The following RACGAP1 variants were observed in gnomAD, a reference collection of about 807,000 sequenced individuals.
RACGAP1 encodes Rac GTPase activating protein 1.
A neutral mutation model predicts 78.1 loss-of-function variants in RACGAP1; 30 were observed. That is an observed-to-expected ratio of 0.38 (90% CI 0.29 to 0.52). RACGAP1 has a LOEUF of 0.52. Ranked by LOEUF, RACGAP1 falls within the 20% of genes least tolerant of loss-of-function variation. The pLI, the probability that RACGAP1 is intolerant of heterozygous loss-of-function variation, is 0.82. For synonymous variants in RACGAP1, 231 were observed against 264.8 expected (o/e 0.87, Z 1.24); for missense variants, 587 against 777.1 (o/e 0.76, Z 2.91).
At chr12:49,990,558 G>T in intron 16 of RACGAP1, 126 bp downstream of exon 16, 1 of 837,874 alleles carries the variant, frequency 1.2e-6, no homozygotes, top group Non-Finnish European at 1.9e-6. Flanking sequence ...ATAGCCCCAC[G>T]TTCCCTTTTA....
At chr12:50,007,411 CA>C (rs754760681) in intron 2 of RACGAP1, among the ~76,000 whole-genome samples, 3 of 152,178 alleles carry the variant, frequency 2.0e-5, no homozygotes, top group Non-Finnish European at 4.4e-5. Flanking sequence ...CTGCTATTGG[CA>C]AAGCTGTTCT....
intron 10 of RACGAP1, among the ~76,000 whole-genome samples, chr12:49,996,716 T>A (rs1948312144): frequency 7.3e-6 from 1 of 137,184 alleles, no homozygotes; most frequent in African/African-American, 2.7e-5. Context: ...GAACCAGGGG[T>A]TAGTTATACT....
chr12:50,016,323 A>G (rs1277855442), intron 2 of RACGAP1, among the ~76,000 whole-genome samples: 1 of 152,106 alleles, frequency 6.6e-6, no homozygotes, highest in Non-Finnish European at 1.5e-5. Flanking sequence ...CAGAGGTTGC[A>G]GTGAGCCGAG....
In RACGAP1 at chr12:50,016,649, T is replaced by C. The variant is rs768589734; in HGVS notation, c.67A>G (p.Ser23Gly). ...EQLVRRVEIL[S>G]EGNEVQFIQL... The stretch of plus-strand genomic sequence containing the variant: ...GACTTACGGACTTCATTTCCTTCAC[T>C]GAGAATCTCCACCCGGCGCACAAGC... Residue 23 changes from serine to glycine, a missense_variant, in exon 2 of 17, where the codon AGT (serine) becomes GGT (glycine). Coordinates refer to ENST00000312377, the MANE Select transcript of RACGAP1 (RefSeq NM_001319999.2). 19 of 1,613,992 alleles carry C rather than the reference T, an allele frequency of 1.2e-5. No homozygotes were observed. The highest frequency in any genetic ancestry group is 3.3e-5 in the Admixed American group (2 of 60,022).
intron 1 of RACGAP1, chr12:50,017,004 T>A (rs1440253850): frequency 8.7e-7 from 1 of 1,150,008 alleles, no homozygotes; most frequent in Non-Finnish European, 1.1e-6. Flanking sequence ...GCATGTCAGT[T>A]CATTAGCAAG....
chr12:50,032,805 G>C (rs2137782040), intron 1 of RACGAP1, among the ~76,000 whole-genome samples: 1 of 152,346 alleles, frequency 6.6e-6, no homozygotes, highest in East Asian at 1.9e-4. Context: ...TCCGAGGTGC[G>C]GGAGAGGTCA....
At chr12:50,000,312 C>T (rs749982941) in intron 7 of RACGAP1, among the ~76,000 whole-genome samples, 2 of 151,944 alleles carry the variant, frequency 1.3e-5, no homozygotes, top group African/African-American at 4.8e-5. Flanking sequence ...CGCGCCTGGC[C>T]GACTGATTTT....
upstream of RACGAP1, among the ~76,000 whole-genome samples, chr12:50,027,699 G>T (rs540198092): frequency 6.6e-6 from 1 of 152,080 alleles, no homozygotes; most frequent in African/African-American, 2.4e-5. Flanking sequence ...GGTGGCAGAC[G>T]CCTGTAATCC....
intron 2 of RACGAP1, among the ~76,000 whole-genome samples, chr12:50,015,681 A>T (rs1949623326): frequency 6.6e-6 from 1 of 152,090 alleles, no homozygotes; most frequent in Admixed American, 6.5e-5. Context: ...GGGCGCCTGT[A>T]GTCCCAGCTA....
intron 1 of RACGAP1, among the ~76,000 whole-genome samples, chr12:50,023,010 A>G (rs762049189): frequency 2.6e-5 from 4 of 152,114 alleles, no homozygotes; most frequent in Non-Finnish European, 4.4e-5. Flanking sequence ...ACATACTTAC[A>G]TATTTATTCA....
intron 1 of RACGAP1, chr12:50,021,215 G>A (rs764624542): frequency 2.3e-5 from 17 of 730,176 alleles, no homozygotes; most frequent in Non-Finnish European, 2.8e-5. Context: ...TCATATTGTA[G>A]TACATTGCTT....
intron 12 of RACGAP1, 104 bp downstream of exon 12, chr12:49,994,027 G>C: frequency 8.7e-7 from 1 of 1,149,516 alleles, no homozygotes; most frequent in Non-Finnish European, 1.2e-6. Flanking sequence ...CTGGGCGAGA[G>C]TGAGACTCTG....
chr12:49,996,235 G>C (rs1378805640), intron 10 of RACGAP1, among the ~76,000 whole-genome samples: 2 of 151,962 alleles, frequency 1.3e-5, no homozygotes, highest in African/African-American at 4.8e-5. Flanking sequence ...AATCACTTGA[G>C]CCCAGGAGAC....
At chr12:50,004,416 A>G in intron 4 of RACGAP1, 112 bp from the exon 5 acceptor site, 1 of 1,414,646 alleles carries the variant, frequency 7.1e-7, no homozygotes, top group Non-Finnish European at 9.4e-7. Flanking sequence ...TTTCATAGCA[A>G]AATCTTCACT....
chr12:49,993,627 T>C (rs926374983), intron 12 of RACGAP1, among the ~76,000 whole-genome samples: 1 of 151,422 alleles, frequency 6.6e-6, no homozygotes, highest in African/African-American at 2.4e-5. Context: ...TTAACGCCTG[T>C]AATCTCAGCT....
intron 1 of RACGAP1, chr12:50,019,703 T>TAAATAAATAAATAAAC (rs1949893577): frequency 6.7e-6 from 1 of 150,224 alleles, no homozygotes; most frequent in Non-Finnish European, 1.5e-5. Context: ...TTAAAATAAA[T>TAAATAAATAAATAAAC]AAATAAATAA....
rs1345935711 is a variant in RACGAP1 at position 49,991,457 on chromosome 12, T to TTTTATATATATATATATA, written c.1714+540_1714+541insTATATATATATATATAAA. Among the ~76,000 whole-genome samples, 5 of 27,414 alleles carry TTTTATATATATATATATA rather than the reference T, an allele frequency of 1.8e-4. No homozygotes were observed. In the East Asian group the frequency reaches 6.3e-3, roughly 35 times the overall value. The allele number at this position is 27,414 out of a possible 152,430, so 18.0% of individuals were successfully genotyped here. A position where few individuals can be genotyped will look rare whatever the true frequency, so the allele number is the denominator to read the frequency against. On this transcript the variant is annotated intron_variant, in intron 15 of 16. Transcript: ENST00000312377. The stretch of plus-strand genomic sequence containing the variant: ...ATAAGAATGAATTATATTTAAACTA[T>TTTTATATATATATATATA]TATATATATATATATATATATATTT...
At position 50,006,387 on chromosome 12, in the gene RACGAP1, T is replaced by TC. The variant is rs761367432; in HGVS notation, c.288+46dup. The TC allele has an allele frequency of 5.6e-5, 90 of 1,596,274 alleles. No individual in the cohort carries two copies. In the East Asian group the frequency reaches 1.9e-3, roughly 33 times the overall value. On this transcript the variant is annotated intron_variant, in intron 3 of 16. Coordinates refer to ENST00000312377, the MANE Select transcript of RACGAP1 (RefSeq NM_001319999.2). ...AAGTGGAAACTGTCAGACAATGCCT[T>TC]CCCCCTCCTGCATCATCACTGTTCT...
chr12:50,027,454 T>C (rs1950289441), upstream of RACGAP1, among the ~76,000 whole-genome samples: 1 of 152,164 alleles, frequency 6.6e-6, no homozygotes, highest in South Asian at 2.1e-4. Context: ...AATAGGAATT[T>C]ACAGGAGAGA....
Sources: gnomAD v4.1 joint callset for allele counts (sites outside exome capture counted in the v4.1 genomes callset) on GRCh38, gnomAD v4.1.1 for gene constraint, MANE v1.5 for transcripts, NCBI Gene and HGNC (gene_info 2026-07-23, HGNC 2026-07-21) for gene names.